Variants in VRK1 observed in about 807,000 individuals in gnomAD.
The protein encoded by VRK1 is VRK serine/threonine kinase 1.
Under a neutral mutation model 57.1 loss-of-function variants are expected in VRK1, and 33 were observed. The ratio of observed to expected loss-of-function variants is 0.58; its 90% confidence interval spans 0.44 to 0.77. VRK1 has a LOEUF of 0.77. Ranked by LOEUF, VRK1 falls within the 30% of genes least tolerant of loss-of-function variation. The pLI, the probability that VRK1 is intolerant of heterozygous loss-of-function variation, is 0.00. For missense variants in VRK1, 413 were observed against 477.3 expected (o/e 0.87, Z 1.25); for synonymous variants, 137 against 147.8 (o/e 0.93, Z 0.53).
chr14:96,823,547 G>A (rs371411954), intron 1 of VRK1, among the ~76,000 whole-genome samples: 6 of 152,314 alleles, frequency 3.9e-5, no homozygotes, highest in South Asian at 4.1e-4. Context: ...TCAGGAACAC[G>A]TTGGTATTAT....
intron 3 of VRK1, among the ~76,000 whole-genome samples, chr14:96,839,123 T>C (rs975350165): frequency 6.6e-6 from 1 of 150,612 alleles, no homozygotes; most frequent in African/African-American, 2.4e-5. Flanking sequence ...GAGTTATTCC[T>C]GTTCCAGAAG....
At chr14:96,863,087 CAT>C (rs1233770076) in intron 11 of VRK1, among the ~76,000 whole-genome samples, 1 of 152,108 alleles carries the variant, frequency 6.6e-6, no homozygotes, top group East Asian at 1.9e-4. Context: ...TAGAGTGAAA[CAT>C]GAATTTACCC....
At chr14:96,860,982 A>T in intron 11 of VRK1, 1 of 320,504 alleles carries the variant, frequency 3.1e-6, no homozygotes, top group Non-Finnish European at 5.8e-6. Context: ...CTGATATCTG[A>T]CAGGGAAATT....
intron 1 of VRK1, among the ~76,000 whole-genome samples, chr14:96,822,183 G>A (rs1206290108): frequency 6.6e-6 from 1 of 151,722 alleles, no homozygotes; most frequent in East Asian, 1.9e-4. Context: ...CTCCATGAAG[G>A]CAGGAGTTTT....
At chr14:96,835,011 CTGTG>C (rs1887160657) in intron 2 of VRK1, among the ~76,000 whole-genome samples, 1 of 152,226 alleles carries the variant, frequency 6.6e-6, no homozygotes, top group Admixed American at 6.5e-5. Flanking sequence ...AAAACTTGCC[CTGTG>C]TGTGTCTCAT....
chr14:96,813,785 CAT>C (rs1339742046), intron 1 of VRK1, among the ~76,000 whole-genome samples: 3 of 152,098 alleles, frequency 2.0e-5, no homozygotes, highest in Admixed American at 6.5e-5. Flanking sequence ...TTGTTTTGCA[CAT>C]GATTTATTCT....
intron 5 of VRK1, among the ~76,000 whole-genome samples, chr14:96,848,894 T>C (rs77361183): frequency 0.01 from 1,593 of 152,294 alleles, 22 homozygotes; most frequent in African/African-American, 0.031. Flanking sequence ...TGTTAAAACC[T>C]ACTGGTTTAG....
intron 3 of VRK1, among the ~76,000 whole-genome samples, chr14:96,843,851 A>G (rs1887567017): frequency 6.6e-6 from 1 of 152,206 alleles, no homozygotes; most frequent in Admixed American, 6.5e-5. Context: ...TTGGATTAGA[A>G]GAAGTATGAA....
chr14:96,859,128 A>G (rs1409872322), intron 10 of VRK1: 5 of 152,162 alleles, frequency 3.3e-5, no homozygotes, highest in Admixed American at 6.6e-5. Context: ...ATTTGTTGCA[A>G]AGTATTTAAT....
At position 96,881,335 on chromosome 14, in the gene VRK1, T is replaced by G. The variant is rs1595695167; in HGVS notation, c.*127T>G. Reference sequence around the variant, plus strand: ...GAAGTAATGATTAAATACTCATGTGTTCAGAAAACATAAACTTTTTTTATA... The same window carrying G: ...GAAGTAATGATTAAATACTCATGTGGTCAGAAAACATAAACTTTTTTTATA... On this transcript the variant is annotated 3_prime_UTR_variant, in exon 13 of 13. Coordinates refer to ENST00000216639, the MANE Select transcript of VRK1 (RefSeq NM_003384.3). 2 of 789,898 alleles carry G rather than the reference T, an allele frequency of 2.5e-6. No individual in the cohort carries two copies. The allele number at this position is 789,898 out of a possible 1,614,324, so 48.9% of individuals were successfully genotyped here.
intron 1 of VRK1, among the ~76,000 whole-genome samples, chr14:96,822,510 A>G (rs978854041): frequency 5.3e-5 from 8 of 152,206 alleles, no homozygotes; most frequent in Non-Finnish European, 1.2e-4. Context: ...AATTTGATTC[A>G]TTGCAAAACC....
chr14:96,870,198 T>C (rs4905555), intron 11 of VRK1, among the ~76,000 whole-genome samples: 93,612 of 151,946 alleles, frequency 0.62, 29,634 homozygotes, highest in African/African-American at 0.66. Flanking sequence ...CTGTGAAATA[T>C]ATTTGTTCAT....
At chr14:96,876,869 A>G (rs913157821) in intron 12 of VRK1, among the ~76,000 whole-genome samples, 4 of 152,056 alleles carry the variant, frequency 2.6e-5, no homozygotes, top group African/African-American at 4.8e-5. Context: ...GGCACTTCCA[A>G]TAGTTCCAGA....
At chr14:96,844,462 A>G (rs1382114082) in intron 3 of VRK1, among the ~76,000 whole-genome samples, 1 of 152,154 alleles carries the variant, frequency 6.6e-6, no homozygotes, top group African/African-American at 2.4e-5. Context: ...CCAAGTGTTA[A>G]TGTGTGTTGC....
At chr14:96,851,364 C>T (rs371537719) in intron 5 of VRK1, among the ~76,000 whole-genome samples, 10 of 152,244 alleles carry the variant, frequency 6.6e-5, no homozygotes, top group Admixed American at 2.0e-4. Flanking sequence ...TGGTCTCGAA[C>T]TGCTGACCTC....
intron 5 of VRK1, among the ~76,000 whole-genome samples, chr14:96,852,331 C>T (rs144633928): frequency 7.2e-5 from 11 of 152,258 alleles, no homozygotes; most frequent in African/African-American, 1.4e-4. Flanking sequence ...AATCCTTTTA[C>T]GCCATTTAAA....
At chr14:96,834,524 G>T (rs928705232) in intron 2 of VRK1, among the ~76,000 whole-genome samples, 7 of 152,162 alleles carry the variant, frequency 4.6e-5, no homozygotes, top group Non-Finnish European at 7.4e-5. Flanking sequence ...TGAAGTTTGA[G>T]AACCACTGGT....
At chr14:96,805,560 T>G (rs1885838838) in intron 1 of VRK1, among the ~76,000 whole-genome samples, 1 of 152,230 alleles carries the variant, frequency 6.6e-6, no homozygotes, top group East Asian at 1.9e-4. Context: ...GTTTCTGCTT[T>G]CTTTTGTGCA....
intron 1 of VRK1, among the ~76,000 whole-genome samples, chr14:96,816,167 A>T (rs559145731): frequency 1.3e-5 from 2 of 152,284 alleles, no homozygotes; most frequent in South Asian, 4.1e-4. Flanking sequence ...GAAAAAAGAA[A>T]TGAGCAGCCC....
Sources: gnomAD v4.1 joint callset for allele counts (sites outside exome capture counted in the v4.1 genomes callset) on GRCh38, gnomAD v4.1.1 for gene constraint, MANE v1.5 for transcripts, NCBI Gene and HGNC (gene_info 2026-07-23, HGNC 2026-07-21) for gene names.